The following CNTNAP4 variants were observed in gnomAD, a reference collection of about 807,000 sequenced individuals.
CNTNAP4 encodes the protein contactin-associated protein-like 4.
In CNTNAP4, 98 loss-of-function variants were observed where a neutral mutation model predicts 148.4. The ratio of observed to expected loss-of-function variants is 0.66; its 90% CI spans 0.56 to 0.78. The LOEUF (loss-of-function observed/expected upper bound fraction) is 0.78, where lower values mean the gene tolerates loss of function less well. Ranked by LOEUF, CNTNAP4 falls within the 30% of genes least tolerant of loss-of-function variation. The probability of loss-of-function intolerance (pLI) is 0.00; values close to 1 mark genes in which losing one functional copy is unlikely to be tolerated. For missense variants in CNTNAP4, 1,935 were observed against 1,565.6 expected (o/e 1.24, Z -3.98); for synonymous variants, 730 against 565.1 (o/e 1.29, Z -4.14).
At chr16:76,325,869 G>A (rs1962918634) in intron 2 of CNTNAP4, among the ~76,000 whole-genome samples, 1 of 151,840 alleles carries the variant, frequency 6.6e-6, no homozygotes, top group African/African-American at 2.4e-5. Context: ...CTAATTTTGA[G>A]AATTTAAATG....
chr16:76,470,244 T>C (rs1204634828), intron 10 of CNTNAP4, among the ~76,000 whole-genome samples: 1 of 152,102 alleles, frequency 6.6e-6, no homozygotes, highest in African/African-American at 2.4e-5. Flanking sequence ...TGCCATGCCA[T>C]GCAGCCCCTC....
Position 76,382,146 on chromosome 16 carries a change from G to T in CNTNAP4, c.390+26635G>T, listed in dbSNP as rs539446913. Among the ~76,000 whole-genome samples the T allele has an allele frequency of 4.2e-5, 6 of 141,408 alleles. No homozygotes were observed. The East Asian group carries it at 1.5e-3, about 36-fold the overall frequency. The allele number at this position is 141,408 out of a possible 152,430, so 92.8% of individuals were successfully genotyped here. ...AGGGATAGAACAGAGACAGAAGCTA[G>T]ACTTTTTTTTAACATGCCTTGTTTT... On this transcript the variant is annotated intron_variant, in intron 3 of 23. Coordinates refer to ENST00000611870, the MANE Select transcript of CNTNAP4 (RefSeq NM_033401.5).
chr16:76,418,786 C>T (rs1252595546), intron 3 of CNTNAP4, among the ~76,000 whole-genome samples: 2 of 151,402 alleles, frequency 1.3e-5, no homozygotes, highest in Non-Finnish European at 2.9e-5. Context: ...AACCAAAATG[C>T]GCTATATCTG....
At chr16:76,351,129 C>G (rs2011679711) in intron 2 of CNTNAP4, among the ~76,000 whole-genome samples, 1 of 152,140 alleles carries the variant, frequency 6.6e-6, no homozygotes, top group African/African-American at 2.4e-5. Context: ...TCAAATAACA[C>G]TTAACTAGCA....
In CNTNAP4 at chr16:76,354,286, G is replaced by T. The variant is rs368345371; in HGVS notation, c.197-1032G>T. ...TTCCCCAAATTATTATATTAAACTG[G>T]AAGAATGAAGCATCTTAACACGATA... On this transcript the variant is annotated intron_variant, in intron 2 of 23. Transcript: ENST00000611870. Among the ~76,000 whole-genome samples the T allele has an allele frequency of 5.5e-4, 84 of 152,224 alleles. 2 individuals carry two copies. In the South Asian group the frequency reaches 0.015, roughly 28 times the overall value.
intron 10 of CNTNAP4, chr16:76,469,688 A>G (rs2081298388): frequency 6.6e-6 from 1 of 152,222 alleles, no homozygotes; most frequent in Admixed American, 6.5e-5. Flanking sequence ...CCATCAGCAC[A>G]TTTGGAGAAC....
At chr16:76,397,938 TTATATACATA>T (rs1470816499) in intron 3 of CNTNAP4, among the ~76,000 whole-genome samples, 921 of 62,186 alleles carry the variant, frequency 0.015, 229 homozygotes, top group Middle Eastern at 0.047. Context: ...AACTAATAGA[TTATATACATA>T]TATATATATA....
intron 15 of CNTNAP4, among the ~76,000 whole-genome samples, chr16:76,499,875 G>C (rs2082559441): frequency 6.6e-6 from 1 of 151,900 alleles, no homozygotes; most frequent in African/African-American, 2.4e-5. Context: ...CGGGGTTGGG[G>C]GTAAGGTTAT....
At chr16:76,531,114 C>G (rs9935769) in intron 17 of CNTNAP4, among the ~76,000 whole-genome samples, 4,116 of 152,214 alleles carry the variant, frequency 0.027, 182 homozygotes, top group African/African-American at 0.093. Flanking sequence ...GGTTGAGGAT[C>G]TTGATTTCTT....
chr16:76,534,946 G>C (rs1218504196), intron 17 of CNTNAP4, among the ~76,000 whole-genome samples: 7 of 152,204 alleles, frequency 4.6e-5, no homozygotes, highest in Admixed American at 1.3e-4. Flanking sequence ...ATTTTGTTAA[G>C]AATCTTTCCA....
chr16:76,337,954 AT>A (rs1567758169), intron 2 of CNTNAP4, among the ~76,000 whole-genome samples: 1 of 152,144 alleles, frequency 6.6e-6, no homozygotes, highest in East Asian at 1.9e-4. Flanking sequence ...CTGTTGTTCT[AT>A]TCTTTTTCAG....
At chr16:76,389,356 G>A (rs1280541024) in intron 3 of CNTNAP4, among the ~76,000 whole-genome samples, 5 of 152,190 alleles carry the variant, frequency 3.3e-5, no homozygotes, top group African/African-American at 7.2e-5. Context: ...TCAATGTCAT[G>A]GAATTCTTTC....
intron 17 of CNTNAP4, among the ~76,000 whole-genome samples, chr16:76,525,699 T>C (rs897199506): frequency 2.1e-5 from 3 of 145,510 alleles, no homozygotes; most frequent in Non-Finnish European, 4.5e-5. Context: ...TATAAACTAA[T>C]ATATATAAAC....
At chr16:76,353,302 C>T (rs1345324409) in intron 2 of CNTNAP4, among the ~76,000 whole-genome samples, 1 of 152,162 alleles carries the variant, frequency 6.6e-6, no homozygotes, top group Non-Finnish European at 1.5e-5. Context: ...TGCAAGCAGT[C>T]ATTAGTGTGA....
intron 1 of CNTNAP4, chr16:76,309,974 A>G (rs1819847272): frequency 1.5e-6 from 1 of 683,416 alleles, no homozygotes; most frequent in Admixed American, 2.1e-5. Context: ...ATGGAAACGG[A>G]CTAAAACAGG....
rs2143363664 is a variant in CNTNAP4 at position 76,459,135 on chromosome 16, T to G, written c.1334-2821T>G. Reference sequence around the variant, plus strand: ...AGTCTTGCACACAGGGCTTTGAGAATGAGATGTCGGAGAAATGCCAGGGGC... The same window carrying G: ...AGTCTTGCACACAGGGCTTTGAGAAGGAGATGTCGGAGAAATGCCAGGGGC... On this transcript the variant is annotated intron_variant, in intron 8 of 23. Coordinates refer to ENST00000611870, the MANE Select transcript of CNTNAP4 (RefSeq NM_033401.5). Among the ~76,000 whole-genome samples the G allele has an allele frequency of 1.3e-5, 2 of 152,242 alleles. 1 individual carries two copies. The highest frequency in any genetic ancestry group is 4.1e-4 in the South Asian group (2 of 4,832).
At chr16:76,365,725 C>T (rs2014032956) in intron 3 of CNTNAP4, among the ~76,000 whole-genome samples, 1 of 131,674 alleles carries the variant, frequency 7.6e-6, no homozygotes, top group Admixed American at 8.4e-5. Context: ...GCACTCCTTC[C>T]TGGGGGACAG....
intron 15 of CNTNAP4, among the ~76,000 whole-genome samples, chr16:76,518,974 G>T (rs1373911967): frequency 6.6e-6 from 1 of 152,096 alleles, no homozygotes; most frequent in Non-Finnish European, 1.5e-5. Flanking sequence ...GCTGCTGCCT[G>T]CCTGCTGAGC....
At position 76,510,110 on chromosome 16, in the gene CNTNAP4, A is replaced by G. The variant is rs1419792595; in HGVS notation, c.2366-11030A>G. The stretch of plus-strand genomic sequence containing the variant: ...TTGAGGACATTTTTATCACCCCCAA[A>G]GTAGACCTGCTCCCATTTTCCAGAC... On this transcript the variant is annotated intron_variant, in intron 15 of 23. Transcript: ENST00000611870. Among the ~76,000 whole-genome samples the G allele has an allele frequency of 7.3e-5, 3 of 41,184 alleles. 1 individual carries two copies. The East Asian group carries it at 0.011, about 149-fold the overall frequency. 27.0% of individuals were successfully genotyped at this position (41,184 alleles called of 152,430 possible). A position where few individuals can be genotyped will look rare whatever the true frequency, so the allele number is the denominator to read the frequency against.
Sources: gnomAD v4.1 joint callset for allele counts (sites outside exome capture counted in the v4.1 genomes callset) on GRCh38, gnomAD v4.1.1 for gene constraint, MANE v1.5 for transcripts, NCBI Gene and HGNC (gene_info 2026-07-23, HGNC 2026-07-21) for gene names.